CFAP43: variants seen among roughly 807,000 people sequenced by gnomAD.
CFAP43 encodes cilia- and flagella-associated protein 43.
In CFAP43, 155 loss-of-function variants were observed where a neutral mutation model predicts 218.9. That is an observed-to-expected ratio of 0.71 (90% CI 0.62 to 0.81). The LOEUF is 0.81. CFAP43 is among the 30% of genes least tolerant of loss of function. The pLI is 0.00. For missense variants in CFAP43, 1,778 were observed against 1,954.3 expected (o/e 0.91, Z 1.70); for synonymous variants, 645 against 681.3 (o/e 0.95, Z 0.83).
chr10:104,168,596 C>T (rs914663994), intron 21 of CFAP43, 148 bp downstream of exon 21: 6 of 627,994 alleles, frequency 9.6e-6, no homozygotes, highest in South Asian at 1.9e-5. Flanking sequence ...GACAGGGACA[C>T]ATCCAGGTGA....
Position 104,219,028 on chromosome 10 carries a change from C to T in CFAP43, c.417-4602G>A, listed in dbSNP as rs1159294878. The T allele has an allele frequency of 4.3e-5, 16 of 368,608 alleles. 1 individual carries two copies. The highest frequency in any genetic ancestry group is 2.7e-4 in the South Asian group (14 of 52,104). The allele number at this position is 368,608 out of a possible 1,614,324, so 22.8% of individuals were successfully genotyped here. A position where few individuals can be genotyped will look rare whatever the true frequency, so the allele number is the denominator to read the frequency against. ...GACCACAAATGAACCTAAGTCCTAACTGATATATCAGCTGCCAACTAGACA... is the reference window on the plus strand; with the variant it reads ...GACCACAAATGAACCTAAGTCCTAATTGATATATCAGCTGCCAACTAGACA... On this transcript the variant is annotated intron_variant, in intron 3 of 37. Transcript: ENST00000357060.
rs2087815069 is a variant in CFAP43 at position 104,143,732 on chromosome 10, T to A, written c.3945-93A>T. 9 of 1,172,902 alleles carry A rather than the reference T, an allele frequency of 7.7e-6. No homozygotes were observed. In the South Asian group the frequency reaches 1.3e-4, roughly 17 times the overall value. 72.7% of individuals were successfully genotyped at this position (1,172,902 alleles called of 1,614,324 possible). On this transcript the variant is annotated intron_variant, in intron 31 of 37. Coordinates refer to ENST00000357060, the MANE Select transcript of CFAP43 (RefSeq NM_025145.7). ...GGCCCTTAGCACAGGCATAACACATTGTATGGCTCTTCCCTTTGCCATGTG... is the reference window on the plus strand; with the variant it reads ...GGCCCTTAGCACAGGCATAACACATAGTATGGCTCTTCCCTTTGCCATGTG...
chr10:104,144,077 G>A (rs2087833771), intron 31 of CFAP43, among the ~76,000 whole-genome samples: 2 of 152,144 alleles, frequency 1.3e-5, no homozygotes, highest in Admixed American at 1.3e-4. Context: ...AGGGAAGAAG[G>A]GTACAAAGAT....
rs150421128 is a variant in CFAP43, at chr10:104,185,024, T to G, written c.2133A>C (p.Leu711=). Residue 711 remains leucine, a synonymous_variant, in exon 16 of 38, where the codon CTA becomes CTC. Transcript: ENST00000357060. ...NGRDDGTLVY[L]KWKRFGGHLA... Reference sequence around the variant, plus strand: ...CTGAATACTGTACGTACTTCCACTTTAGGTAGACAAGGGTGCCATCATCTC... The same window carrying G: ...CTGAATACTGTACGTACTTCCACTTGAGGTAGACAAGGGTGCCATCATCTC... 3.7e-6 allele frequency: 6 copies of G among 1,614,078 alleles called. No homozygotes were observed. The highest frequency in any genetic ancestry group is 5.1e-6 in the Non-Finnish European group (6 of 1,179,976).
intron 32 of CFAP43, among the ~76,000 whole-genome samples, chr10:104,142,666 A>G (rs891852070): frequency 1.3e-5 from 2 of 152,152 alleles, no homozygotes; most frequent in Non-Finnish European, 2.9e-5. Context: ...CATCACTTTA[A>G]GTGAAATTAT....
chr10:104,162,099 G>T, intron 25 of CFAP43, 58 bp from the exon 26 acceptor site: 1 of 1,537,154 alleles, frequency 6.5e-7, no homozygotes. Flanking sequence ...CATTCCAGGT[G>T]GCTCCAGAGG....
chr10:104,166,176 C>T (rs759217399), intron 23 of CFAP43, among the ~76,000 whole-genome samples: 8 of 152,132 alleles, frequency 5.3e-5, no homozygotes, highest in Admixed American at 3.3e-4. Flanking sequence ...CCAGTTCAAG[C>T]GATTTTCCTG....
chr10:104,213,499 T>C (rs924486903), intron 4 of CFAP43, among the ~76,000 whole-genome samples: 5 of 152,086 alleles, frequency 3.3e-5, no homozygotes, highest in African/African-American at 1.2e-4. Context: ...TATACACAAC[T>C]ACCCTTTTGC....
At chr10:104,157,775 T>TGTGTGTGTGTGA (rs1484523345) in intron 27 of CFAP43, among the ~76,000 whole-genome samples, 2 of 90,106 alleles carry the variant, frequency 2.2e-5, no homozygotes, top group Non-Finnish European at 4.2e-5. Context: ...TGTGTGTGTG[T>TGTGTGTGTGTGA]GAGAGAGAGA....
Position 104,207,696 on chromosome 10 carries a change from T to C in CFAP43, c.864A>G (p.Val288=), listed in dbSNP as rs2090736314. The change falls in exon 6 of 38, where the codon GTA becomes GTG. Residue 288 remains valine (V), a synonymous_variant. Coordinates refer to ENST00000357060, the MANE Select transcript of CFAP43 (RefSeq NM_025145.7). ...MINGDTLQVT[V]LNKIEEESPL... is the part of the protein sequence containing the mutation. ...GCGATTCCTCTTCTATCTTATTAAG[T>C]ACAGTCACTTGCAAGGTGTCTCCAT... 1 of 1,614,076 alleles carries C rather than the reference T, an allele frequency of 6.2e-7. No individual in the cohort carries two copies. The highest frequency in any genetic ancestry group is 1.3e-5 in the African/African-American group (1 of 75,056).
chr10:104,192,942 T>G (rs181909952), intron 11 of CFAP43: 50 of 152,498 alleles, frequency 3.3e-4, no homozygotes, highest in African/African-American at 1.2e-3. Flanking sequence ...TTTCCTCACC[T>G]CTCTAACCCT....
At chr10:104,192,420 T>C in intron 11 of CFAP43, 118 bp from the exon 12 acceptor site, 1 of 742,722 alleles carries the variant, frequency 1.3e-6, no homozygotes, top group African/African-American at 1.8e-5. Context: ...CGGTTTGCAA[T>C]TTTTAATATT....
chr10:104,218,871 G>T, intron 3 of CFAP43: 1 of 504,426 alleles, frequency 2.0e-6, no homozygotes, highest in East Asian at 5.6e-5. Context: ...AACACCCTAG[G>T]AACAGCCGAG....
chr10:104,218,812 G>A, intron 3 of CFAP43: 1 of 546,926 alleles, frequency 1.8e-6, no homozygotes, highest in South Asian at 1.4e-5. Flanking sequence ...TTCCTAGGGT[G>A]TTGCCCTCAT....
At chr10:104,167,278 A>G (rs1482473254) in intron 22 of CFAP43, among the ~76,000 whole-genome samples, 2 of 152,204 alleles carry the variant, frequency 1.3e-5, no homozygotes, top group Non-Finnish European at 2.9e-5. Flanking sequence ...TTGATCAATT[A>G]TCTTAAAATA....
intron 10 of CFAP43, among the ~76,000 whole-genome samples, chr10:104,196,341 T>G (rs2090381103): frequency 6.6e-6 from 1 of 152,226 alleles, no homozygotes; most frequent in South Asian, 2.1e-4. Context: ...CATTTCTAAT[T>G]GATTTCCATT....
At chr10:104,219,451 T>C (rs752838722) in intron 3 of CFAP43, among the ~76,000 whole-genome samples, 2 of 152,200 alleles carry the variant, frequency 1.3e-5, no homozygotes, top group African/African-American at 2.4e-5. Flanking sequence ...GATACTTTCA[T>C]TGGAAATAAT....
intron 5 of CFAP43, among the ~76,000 whole-genome samples, chr10:104,208,414 T>C (rs1227948089): frequency 6.6e-6 from 1 of 152,242 alleles, no homozygotes; most frequent in Non-Finnish European, 1.5e-5. Context: ...GGCCTTGGTA[T>C]GTTAAACTAG....
chr10:104,179,916 G>T lies in CFAP43; in HGVS notation c.2306C>A (p.Thr769Asn), dbSNP rs2089768790. Residue 769 changes from threonine (T) to asparagine (N), a missense_variant, in exon 18 of 38, where the codon ACT becomes AAT. By Grantham distance (65) the Thr-to-Asn change is moderately conservative. Coordinates refer to ENST00000357060, the MANE Select transcript of CFAP43 (RefSeq NM_025145.7). ...AACTAATTCATCTTGTGATAAGTCA[G>T]TGCTTGCCTTCTGTTTCTGATACAT... ...DSEHTKQKAS[T>N]DLSQDELVLT... The T allele has an allele frequency of 6.2e-7, 1 of 1,613,236 alleles. No individual in the cohort carries two copies. Among genetic ancestry groups the T allele is most frequent in the Admixed American group, 1.7e-5 (1 of 59,894 alleles).
Sources: allele counts gnomAD v4.1 joint callset (sites outside exome capture counted in the v4.1 genomes callset), GRCh38; gene constraint gnomAD v4.1.1; transcripts MANE v1.5; gene names NCBI Gene and HGNC (gene_info 2026-07-23, HGNC 2026-07-21).